The following GAB4 variants were observed in gnomAD, a reference collection of about 807,000 sequenced individuals.
GAB4 encodes the protein GRB2-associated-binding protein 4.
A neutral mutation model predicts 51.3 loss-of-function variants in GAB4; 26 were observed. The observed-to-expected ratio is 0.51, with a 90% CI of 0.37 to 0.70. GAB4 has a LOEUF of 0.70. GAB4 is among the 30% of genes least tolerant of loss of function. The probability of loss-of-function intolerance (pLI) is 0.00; values close to 1 mark genes in which losing one functional copy is unlikely to be tolerated. For missense variants in GAB4, 759 were observed against 734.6 expected (o/e 1.03, Z -0.38); for synonymous variants, 329 against 291.2 (o/e 1.13, Z -1.32).
intron 7 of GAB4, 123 bp downstream of exon 7, chr22:16,965,055 C>A: frequency 5.2e-6 from 4 of 773,084 alleles, no homozygotes; most frequent in Non-Finnish European, 8.5e-6. Flanking sequence ...GAGACGGAGA[C>A]AGGATCAGCC....
At chr22:16,996,894 G>A (rs2060954271) in intron 1 of GAB4, among the ~76,000 whole-genome samples, 1 of 144,434 alleles carries the variant, frequency 6.9e-6, no homozygotes, top group African/African-American at 2.6e-5. Flanking sequence ...TCCCACCTAT[G>A]AGTGAGAACA....
intron 6 of GAB4, among the ~76,000 whole-genome samples, chr22:16,965,844 G>T (rs1019193131): frequency 5.3e-5 from 8 of 152,182 alleles, no homozygotes; most frequent in African/African-American, 1.7e-4. Flanking sequence ...CTTCTTCCTG[G>T]TCTACACGTG....
intron 2 of GAB4, 66 bp from the exon 3 acceptor site, chr22:16,988,233 T>C (rs2060885230): frequency 1.1e-5 from 11 of 1,038,246 alleles, no homozygotes; most frequent in African/African-American, 1.5e-5. Flanking sequence ...CAGAAACACA[T>C]GAAGACAGTG....
Position 16,991,134 on chromosome 22 carries a change from A to G in GAB4, c.478+739T>C, listed in dbSNP as rs548858081. On this transcript the variant is annotated intron_variant, in intron 2 of 9. Coordinates refer to ENST00000400588, the MANE Select transcript of GAB4 (RefSeq NM_001037814.1). ...CTTTTTCAATTTTATCCTCCCAAAA[A>G]AAGTGGGAAAGAGTGGAGCTTCCAA... Among the ~76,000 whole-genome samples, 8 of 152,234 alleles carry G rather than the reference A, an allele frequency of 5.3e-5. No homozygotes were observed. The South Asian group carries it at 1.7e-3, about 32-fold the overall frequency.
In GAB4 at chr22:16,966,195, G is replaced by A; in HGVS notation, c.1193C>T (p.Ser398Phe). ...GTGCATAGAAAGCTCTGTGAGTGGG[G>A]AGCCAAGCAGGTCAAAGCGAACAAG... ...SCLVRFDLLG[S>F]PLTELSMHQD... The change falls in exon 6 of 10, where the codon TCC (serine) becomes TTC (phenylalanine). Residue 398 changes from serine to phenylalanine, a missense_variant. By Grantham distance (155) the Ser-to-Phe change is radical. This residue lies in a region of GAB4 where 588 missense variants were observed against 510.2 expected (regional missense o/e 1.15). Coordinates refer to ENST00000400588, the MANE Select transcript of GAB4 (RefSeq NM_001037814.1). 6.2e-7 allele frequency: 1 copy of A among 1,614,086 alleles called. No homozygotes were observed. Among genetic ancestry groups the A allele is most frequent in the Non-Finnish European group, 8.5e-7 (1 of 1,180,012 alleles).
intron 9 of GAB4, 52 bp from the exon 10 acceptor site, chr22:16,962,928 G>A (rs1374842370): frequency 1.0e-5 from 16 of 1,564,746 alleles, no homozygotes; most frequent in East Asian, 6.8e-5. Context: ...AGTTCCTGGT[G>A]AGGAAGGGCA....
chr22:16,985,138 G>A (rs1363927223), intron 3 of GAB4, among the ~76,000 whole-genome samples: 1 of 152,208 alleles, frequency 6.6e-6, no homozygotes, highest in Non-Finnish European at 1.5e-5. Context: ...CCACAGTGGA[G>A]CTGGAACTCC....
chr22:16,982,289 G>A (rs2060833012), intron 3 of GAB4, among the ~76,000 whole-genome samples: 1 of 152,148 alleles, frequency 6.6e-6, no homozygotes, highest in Admixed American at 6.5e-5. Flanking sequence ...ACTTAAAAAT[G>A]CCAAAAGGCT....
rs1264168790 is a variant in GAB4 at position 16,975,961 on chromosome 22, A to G, written c.687-5768T>C. Among the ~76,000 whole-genome samples, 3 of 152,102 alleles carry G rather than the reference A, an allele frequency of 2.0e-5. No homozygotes were observed. The East Asian group carries it at 5.8e-4, about 29-fold the overall frequency. The stretch of plus-strand genomic sequence containing the variant: ...TCTGACTGTTAGGAGGAAAACTAAC[A>G]AACAGAAAGGAATAGCATCAACAAC... On this transcript the variant is annotated intron_variant, in intron 3 of 9. Coordinates refer to ENST00000400588, the MANE Select transcript of GAB4 (RefSeq NM_001037814.1).
intron 1 of GAB4, among the ~76,000 whole-genome samples, chr22:17,002,362 A>G (rs1347234753): frequency 6.6e-6 from 1 of 152,224 alleles, no homozygotes; most frequent in Non-Finnish European, 1.5e-5. Flanking sequence ...AGCGAAGGAG[A>G]AATAAAATCC....
In GAB4 at chr22:16,966,320, C is replaced by T. The variant is rs751168690; in HGVS notation, c.1068G>A (p.Glu356=). The change falls in exon 6 of 10, where the codon GAG becomes GAA. Residue 356 remains glutamate, a synonymous_variant. Coordinates refer to ENST00000400588, the MANE Select transcript of GAB4 (RefSeq NM_001037814.1). The stretch of plus-strand genomic sequence containing the variant: ...CTGGGTTCATGGGCACACAGCTGCC[C>T]TCAGAAGCAATGCTGTCTGACAGGC... ...LVGLSDSIAS[E]GSCVPMNPGS... The T allele has an allele frequency of 5.0e-6, 8 of 1,613,504 alleles. No individual in the cohort carries two copies. The African/African-American group carries it at 9.3e-5, about 19-fold the overall frequency.
chr22:17,001,258 C>T (rs1442672598), intron 1 of GAB4, among the ~76,000 whole-genome samples: 1 of 152,272 alleles, frequency 6.6e-6, no homozygotes, highest in Non-Finnish European at 1.5e-5. Context: ...CCATTCTGCC[C>T]GTCACTTTCA....
At chr22:16,979,010 T>A (rs1341453703) in intron 3 of GAB4, among the ~76,000 whole-genome samples, 1 of 152,080 alleles carries the variant, frequency 6.6e-6, no homozygotes, top group Non-Finnish European at 1.5e-5. Context: ...CTCAATAAAC[T>A]AGGTATTGAT....
intron 1 of GAB4, among the ~76,000 whole-genome samples, chr22:17,007,403 T>C (rs988913149): frequency 2.0e-5 from 3 of 151,244 alleles, no homozygotes; most frequent in African/African-American, 7.3e-5. Context: ...ACCCCGGGAG[T>C]GGCGGGTGAG....
At position 16,962,427 on chromosome 22, in the gene GAB4, G is replaced by C; in HGVS notation, c.*306C>G. On this transcript the variant is annotated 3_prime_UTR_variant, in exon 10 of 10. Transcript: ENST00000400588. ...TTCCAGGATTGAGGGAAACAGCCCA[G>C]AGGCTAGAAGGAAGAGGCTGAGGAC... 4.2e-6 allele frequency: 1 copy of C among 236,130 alleles called. No homozygotes were observed. Among genetic ancestry groups the C allele is most frequent in the African/African-American group, 2.2e-5 (1 of 44,692 alleles). 14.6% of individuals were successfully genotyped at this position (236,130 alleles called of 1,614,324 possible). A position where few individuals can be genotyped will look rare whatever the true frequency, so the allele number is the denominator to read the frequency against.
At chr22:16,979,825 T>A (rs2060812190) in intron 3 of GAB4, among the ~76,000 whole-genome samples, 1 of 152,118 alleles carries the variant, frequency 6.6e-6, no homozygotes, top group African/African-American at 2.4e-5. Context: ...TACTGACCAA[T>A]GGAACAGAAC....
intron 1 of GAB4, among the ~76,000 whole-genome samples, chr22:16,992,917 G>C (rs187419515): frequency 1.5e-4 from 23 of 151,936 alleles, no homozygotes; most frequent in Admixed American, 1.2e-3. Flanking sequence ...GCAGAGATGG[G>C]GTCTCACTAT....
intron 5 of GAB4, among the ~76,000 whole-genome samples, chr22:16,967,983 T>TGGA (rs1179708084): frequency 2.6e-5 from 4 of 152,288 alleles, no homozygotes; most frequent in Non-Finnish European, 5.9e-5. Context: ...GAAGCACTCC[T>TGGA]GCTCCAGGGG....
intron 3 of GAB4, among the ~76,000 whole-genome samples, chr22:16,977,052 A>G (rs1233938497): frequency 6.6e-6 from 1 of 152,230 alleles, no homozygotes; most frequent in Admixed American, 6.5e-5. Context: ...AACCAGTACC[A>G]GCCACTGCAA....
Sources: gnomAD v4.1 joint callset for allele counts (sites outside exome capture counted in the v4.1 genomes callset) on GRCh38, gnomAD v4.1.1 for gene constraint, gnomAD v4.1.1 regional missense constraint, MANE v1.5 for transcripts, NCBI Gene and HGNC (gene_info 2026-07-23, HGNC 2026-07-21) for gene names.